Variants in NLRP4 observed in about 807,000 individuals in gnomAD.
The protein encoded by NLRP4 is NLR family pyrin domain containing 4.
Under a neutral mutation model 84.7 loss-of-function variants are expected in NLRP4, and 44 were observed. The ratio of observed to expected loss-of-function variants is 0.52; its 90% CI spans 0.41 to 0.67. The LOEUF is 0.67. NLRP4 is among the 30% of genes least tolerant of loss of function. The pLI, the probability that NLRP4 is intolerant of heterozygous loss-of-function variation, is 0.00. For missense variants in NLRP4, 1,260 were observed against 1,219.4 expected, an observed-to-expected ratio of 1.03 and a Z score of -0.50; for synonymous variants, 544 against 476.4, an observed-to-expected ratio of 1.14 and a Z score of -1.85.
chr19:55,872,599 A>G lies in NLRP4; in HGVS notation c.2525+1602A>G, dbSNP rs149965947. Among the ~76,000 whole-genome samples the G allele has an allele frequency of 7.8e-3, 1,182 of 152,346 alleles. 10 individuals are homozygous for G. Among genetic ancestry groups the G allele is most frequent in the Middle Eastern group, 0.041 (12 of 294 alleles). ...CTATATGGGGTGAATAGTAGATTAG[A>G]CATAATTAAAGAAAAAATTAGTAAA... On this transcript the variant is annotated intron_variant, in intron 7 of 9. Coordinates refer to ENST00000301295, the MANE Select transcript of NLRP4 (RefSeq NM_134444.5).
chr19:55,863,632 G>A (rs372028563), intron 5 of NLRP4, among the ~76,000 whole-genome samples: 2 of 152,126 alleles, frequency 1.3e-5, no homozygotes, highest in Admixed American at 6.5e-5. Context: ...ACAGTTCGAC[G>A]TGAGGGTTGG....
Position 55,839,308 on chromosome 19 carries a change from A to AGTGTGTGTGTGTGTGTGTGTGT in NLRP4, c.-66+2387_-66+2388insTGTGTGTGTGTGTGTGTGTGTG, listed in dbSNP as rs59705356. On this transcript the variant is annotated intron_variant, in intron 1 of 9. Transcript: ENST00000301295. ...ATTATCTAACCTATGCCTCAGTTTG[A>AGTGTGTGTGTGTGTGTGTGTGT]GTGTGTGTGTGTGCTCTTTCACACA... Among the ~76,000 whole-genome samples, 1,424 of 151,452 alleles carry AGTGTGTGTGTGTGTGTGTGTGT rather than the reference A, an allele frequency of 9.4e-3. 9 individuals are homozygous for AGTGTGTGTGTGTGTGTGTGTGT. Among genetic ancestry groups the AGTGTGTGTGTGTGTGTGTGTGT allele is most frequent in the Middle Eastern group, 0.021 (6 of 292 alleles).
At chr19:55,874,359 A>G (rs1168967318) in intron 7 of NLRP4, among the ~76,000 whole-genome samples, 1 of 152,172 alleles carries the variant, frequency 6.6e-6, no homozygotes, top group African/African-American at 2.4e-5. Flanking sequence ...ACTATGGCAC[A>G]TCTAGATTCA....
chr19:55,841,850 G>A (rs1304492927), intron 1 of NLRP4, among the ~76,000 whole-genome samples: 3 of 152,126 alleles, frequency 2.0e-5, no homozygotes, highest in Non-Finnish European at 2.9e-5. Flanking sequence ...GGGTGATAGT[G>A]CGAGACTCTG....
chr19:55,842,981 G>A (rs1333957856), intron 1 of NLRP4, among the ~76,000 whole-genome samples: 1 of 151,082 alleles, frequency 6.6e-6, no homozygotes. Flanking sequence ...GGATGGTCTT[G>A]ATCTCCTGAC....
chr19:55,871,062 G>T, intron 7 of NLRP4, 65 bp downstream of exon 7: 1 of 1,403,046 alleles, frequency 7.1e-7, no homozygotes, highest in Non-Finnish European at 1.0e-6. Context: ...TGCTGAGAAT[G>T]GGGCATCTGG....
In NLRP4 at chr19:55,862,085, G is replaced by T. The variant is rs148970920; in HGVS notation, c.2112G>T (p.Thr704=). 84 of 1,613,550 alleles carry T rather than the reference G, an allele frequency of 5.2e-5. No homozygotes were observed. In the African/African-American group the frequency reaches 1.0e-3, roughly 19 times the overall value. Residue 704 remains threonine, a synonymous_variant, in exon 5 of 10, where the codon ACG becomes ACT. Transcript: ENST00000301295. ...TGAAATACCTGAGCTTCACCCTCAC[G>T]AAACTCTCTCGTGATGACATCAGGT... The part of the protein sequence containing the change: ...PDLKYLSFTL[T]KLSRDDIRSL...
At chr19:55,838,943 T>C (rs2122987630) in intron 1 of NLRP4, among the ~76,000 whole-genome samples, 1 of 150,024 alleles carries the variant, frequency 6.7e-6, no homozygotes, top group Middle Eastern at 3.4e-3. Context: ...TGGAAATTCT[T>C]ACACTAAGCC....
At position 55,870,904 on chromosome 19, in the gene NLRP4, A is replaced by G; in HGVS notation, c.2432A>G (p.Tyr811Cys). ...CTTCTGCGTAACAAGAGCGTGCGCTATCTAGACCTCAGTGCCAATGTCCTG... is the reference window on the plus strand; with the variant it reads ...CTTCTGCGTAACAAGAGCGTGCGCTGTCTAGACCTCAGTGCCAATGTCCTG... ...EMLLRNKSVR[Y>C]LDLSANVLKD... Residue 811 changes from tyrosine (Y) to cysteine (C), a missense_variant, in exon 7 of 10, where the codon TAT becomes TGT. By Grantham distance (194) the Tyr-to-Cys change is radical. This residue lies in a region of NLRP4 where 544 missense variants were observed against 531.7 expected (regional missense o/e 1.02). Transcript: ENST00000301295. The G allele has an allele frequency of 3.7e-6, 6 of 1,614,108 alleles. No individual in the cohort carries two copies. The highest frequency in any genetic ancestry group is 4.5e-5 in the East Asian group (2 of 44,884).
chr19:55,881,136 C>CGTGTGTGTGTGTGTGTGTGTGT (rs56806641), intron 9 of NLRP4, among the ~76,000 whole-genome samples: 11,200 of 139,260 alleles, frequency 0.08, 596 homozygotes, highest in Admixed American at 0.11. Flanking sequence ...GTGAGAGCCA[C>CGTGTGTGTGTGTGTGTGTGTGT]GTGTGTGTGT....
Position 55,866,788 on chromosome 19 carries a change from G to A in NLRP4, c.2187-921G>A, listed in dbSNP as rs575467014. On this transcript the variant is annotated intron_variant, in intron 5 of 9. Coordinates refer to ENST00000301295, the MANE Select transcript of NLRP4 (RefSeq NM_134444.5). Reference sequence around the variant, plus strand: ...AAAGGAGCCACTAGACACGAGTTTGGGGAGGATCAAACATGAATAATATCT... The same window carrying A: ...AAAGGAGCCACTAGACACGAGTTTGAGGAGGATCAAACATGAATAATATCT... Among the ~76,000 whole-genome samples, 279 of 152,294 alleles carry A rather than the reference G, an allele frequency of 1.8e-3. 2 individuals carry two copies. Among genetic ancestry groups the A allele is most frequent in the African/African-American group, 6.4e-3 (267 of 41,552 alleles).
rs139135013 is a variant in NLRP4 at position 55,872,137 on chromosome 19, C to G, written c.2525+1140C>G. 7.6e-3 allele frequency among the ~76,000 whole-genome samples: 1,150 copies of G among 152,164 alleles called. 6 individuals carry two copies. The highest frequency in any genetic ancestry group is 0.026 in the African/African-American group (1,061 of 41,520). Reference sequence around the variant, plus strand: ...TGCTGGGATTACAGGCATGAGCCACCGTGCCCAGCCCAAACAGAAATATTC... The same window carrying G: ...TGCTGGGATTACAGGCATGAGCCACGGTGCCCAGCCCAAACAGAAATATTC... On this transcript the variant is annotated intron_variant, in intron 7 of 9. Transcript: ENST00000301295.
intron 1 of NLRP4, among the ~76,000 whole-genome samples, chr19:55,845,479 A>G (rs989026250): frequency 1.2e-4 from 19 of 152,130 alleles, no homozygotes; most frequent in Admixed American, 5.9e-4. Flanking sequence ...TAGTGCTGCA[A>G]TAAACATACG....
At position 55,858,390 on chromosome 19, in the gene NLRP4, C is replaced by T. The variant is rs1419167480; in HGVS notation, c.997C>T (p.Gln333Ter). The change falls in exon 3 of 10, where the codon CAG (glutamine) becomes TAG (stop). Residue 333 changes from glutamine to a stop codon, truncating the protein, a stop_gained. Coordinates refer to ENST00000301295, the MANE Select transcript of NLRP4 (RefSeq NM_134444.5). LOFTEE classifies it high-confidence loss of function. The surrounding 1 kb of genome is among the most constrained non-coding windows in gnomAD (Gnocchi z 4.2). Reference sequence around the variant, plus strand: ...CTTCAATCTTGTAAGAGAAAGTGAACAGCTGTTTTCCATATGCCAAATCCC... The same window carrying T: ...CTTCAATCTTGTAAGAGAAAGTGAATAGCTGTTTTCCATATGCCAAATCCC... Reference protein sequence around the residue: ...EAFNLVRESEQLFSICQIPLL... With the variant: ...EAFNLVRESE 20 of 1,614,176 alleles carry T rather than the reference C, an allele frequency of 1.2e-5. No homozygotes were observed. Among genetic ancestry groups the T allele is most frequent in the Non-Finnish European group, 1.6e-5 (19 of 1,180,042 alleles).
intron 1 of NLRP4, among the ~76,000 whole-genome samples, chr19:55,837,634 C>T (rs1359429537): frequency 7.1e-6 from 1 of 141,230 alleles, no homozygotes; most frequent in Admixed American, 7.6e-5. Context: ...AAAGTCCTAA[C>T]CCCTTTATAG....
chr19:55,856,353 T>C (rs1320042874), intron 2 of NLRP4, among the ~76,000 whole-genome samples: 1 of 152,050 alleles, frequency 6.6e-6, no homozygotes. Context: ...TGTGTGTTCA[T>C]GGAAGCTGGC....
chr19:55,853,706 G>A (rs1227059899), intron 2 of NLRP4, among the ~76,000 whole-genome samples: 1 of 150,930 alleles, frequency 6.6e-6, no homozygotes, highest in Non-Finnish European at 1.5e-5. Context: ...CACCATACTG[G>A]CCTAGACTCA....
At position 55,880,152 on chromosome 19, in the gene NLRP4, C is replaced by T. The variant is rs914702723; in HGVS notation, c.2867+1188C>T. Among the ~76,000 whole-genome samples, 26 of 140,302 alleles carry T rather than the reference C, an allele frequency of 1.9e-4. 1 individual carries two copies. The highest frequency in any genetic ancestry group is 9.2e-4 in the Admixed American group (12 of 12,992). 92.0% of individuals were successfully genotyped at this position (140,302 alleles called of 152,430 possible). A position where few individuals can be genotyped will look rare whatever the true frequency, so the allele number is the denominator to read the frequency against. ...TGGGTTAAAACTGTTATAACTCTAA[C>T]GCTAAAGAACATTCACTGATTTTTT... On this transcript the variant is annotated intron_variant, in intron 9 of 9. Transcript: ENST00000301295.
intron 2 of NLRP4, among the ~76,000 whole-genome samples, chr19:55,854,967 G>A (rs751590003): frequency 5.9e-5 from 9 of 152,136 alleles, no homozygotes; most frequent in African/African-American, 1.7e-4. Context: ...CCGGTGATCC[G>A]CCCGCCTTGG....
Sources: allele counts gnomAD v4.1 joint callset (sites outside exome capture counted in the v4.1 genomes callset), GRCh38; gene constraint gnomAD v4.1.1; regional missense constraint gnomAD v4.1.1; non-coding constraint Gnocchi (gnomAD v3.1); transcripts MANE v1.5; gene names NCBI Gene and HGNC (gene_info 2026-07-23, HGNC 2026-07-21).